Variants in GAK observed in about 807,000 individuals in gnomAD.
GAK encodes the protein cyclin G associated kinase.
GAK carries 79 observed loss-of-function variants against 143.9 expected under a neutral mutation model. The ratio of observed to expected loss-of-function variants is 0.55; its 90% CI spans 0.46 to 0.66. The LOEUF is 0.66. GAK is among the 30% of genes least tolerant of loss of function. The pLI is 0.00. For missense variants in GAK, 1,693 were observed against 1,779.7 expected (o/e 0.95, Z 0.88); for synonymous variants, 881 against 765.5 (o/e 1.15, Z -2.49).
chr4:893,515 G>T, intron 8 of GAK, 26 bp from the exon 9 acceptor site: 1 of 1,494,082 alleles, frequency 6.7e-7, no homozygotes, highest in Non-Finnish European at 8.9e-7. Flanking sequence ...AGCGCGCTCG[G>T]CCCCACGGTT....
At chr4:885,366 G>A (rs778945558) in intron 11 of GAK, among the ~76,000 whole-genome samples, 1 of 152,204 alleles carries the variant, frequency 6.6e-6, no homozygotes. Flanking sequence ...ACCTGAGGTT[G>A]GGAGTTTGAG....
rs545141863 is a variant in GAK at position 912,058 on chromosome 4, C to T, written c.268-271G>A. ...ACCACAGCGACACCAAAGTCCATCC[C>T]GCGCGTGGCAGGAGGAGGCAGGGCC... On this transcript the variant is annotated intron_variant, in intron 3 of 27. Transcript: ENST00000314167. 8.3e-4 allele frequency: 403 copies of T among 484,926 alleles called. 2 individuals carry two copies. The East Asian group carries it at 8.5e-3, about 10-fold the overall frequency. The allele number at this position is 484,926 out of a possible 1,614,324, so 30.0% of individuals were successfully genotyped here. A position where few individuals can be genotyped will look rare whatever the true frequency, so the allele number is the denominator to read the frequency against.
At chr4:911,956 G>C in intron 3 of GAK, 169 bp from the exon 4 acceptor site, 2 of 552,374 alleles carry the variant, frequency 3.6e-6, no homozygotes, top group South Asian at 1.7e-5. Context: ...GGACGACCGA[G>C]AGAAAGGCAG....
rs368645427 is a variant in GAK, at chr4:869,633, A to ACACACAG, written c.2249-949_2249-948insCTGTGTG. ...ACACATGCAGGGTACACATGAATGC[A>ACACACAG]CACACACAGATGCACAGTACACACG... On this transcript the variant is annotated intron_variant, in intron 19 of 27. Transcript: ENST00000314167. 3.4e-3 allele frequency: 84 copies of ACACACAG among 24,968 alleles called. 2 individuals are homozygous for ACACACAG. The highest frequency in any genetic ancestry group is 6.0e-3 in the East Asian group (3 of 498). The allele number at this position is 24,968 out of a possible 1,614,324, so 1.5% of individuals were successfully genotyped here.
intron 7 of GAK, among the ~76,000 whole-genome samples, chr4:895,652 A>G (rs1718624831): frequency 6.6e-6 from 1 of 152,200 alleles, no homozygotes; most frequent in East Asian, 1.9e-4. Context: ...TGGCTGAATG[A>G]CGGGGTAAGG....
chr4:902,797 TAGC>T (rs1330594074), intron 5 of GAK, among the ~76,000 whole-genome samples: 5 of 151,962 alleles, frequency 3.3e-5, no homozygotes, highest in Admixed American at 1.3e-4. Context: ...AGGCGACACT[TAGC>T]AGATTATGAG....
intron 1 of GAK, among the ~76,000 whole-genome samples, chr4:923,724 G>A (rs1724243700): frequency 6.6e-6 from 1 of 152,032 alleles, no homozygotes; most frequent in African/African-American, 2.4e-5. Context: ...GACATCAAAT[G>A]CTCAAGCCAG....
At chr4:864,256 G>A (rs1268970174) in intron 23 of GAK, among the ~76,000 whole-genome samples, 1 of 152,182 alleles carries the variant, frequency 6.6e-6, no homozygotes, top group Non-Finnish European at 1.5e-5. Flanking sequence ...AGTTACTCAG[G>A]AGGCTGGGGT....
chr4:919,477 C>T lies in GAK; in HGVS notation c.146-5809G>A, dbSNP rs941586981. Among the ~76,000 whole-genome samples the T allele has an allele frequency of 4.6e-5, 7 of 152,372 alleles. No homozygotes were observed. The East Asian group carries it at 5.8e-4, about 13-fold the overall frequency. On this transcript the variant is annotated intron_variant, in intron 1 of 27. Transcript: ENST00000314167. ...AGCCTCCTCCTCTCCAGCCGCACCC[C>T]GCATTTGGTTCCAAGCCACCACATT...
intron 7 of GAK, 127 bp from the exon 8 acceptor site, chr4:894,136 G>T: frequency 8.8e-7 from 1 of 1,141,594 alleles, no homozygotes; most frequent in East Asian, 2.8e-5. Context: ...GAGCCGTGGG[G>T]AGCGCAGGGG....
intron 5 of GAK, among the ~76,000 whole-genome samples, chr4:903,659 G>A (rs1273689663): frequency 9.9e-5 from 15 of 151,414 alleles, no homozygotes; most frequent in South Asian, 2.1e-4. Context: ...AGGAAGGAGC[G>A]TGGGGTGAGC....
At chr4:927,247 A>G (rs74889212) in intron 1 of GAK, among the ~76,000 whole-genome samples, 763 of 4,714 alleles carry the variant, frequency 0.16, 133 homozygotes, top group Non-Finnish European at 0.21. Flanking sequence ...GCACTGCCCC[A>G]CACCCCTCCC....
intron 9 of GAK, among the ~76,000 whole-genome samples, chr4:892,540 C>G (rs1717878378): frequency 6.6e-6 from 1 of 152,350 alleles, no homozygotes; most frequent in Non-Finnish European, 1.5e-5. Context: ...CCAGGCCTCA[C>G]ACTTCCACAA....
chr4:924,976 C>T (rs1028777188), intron 1 of GAK, among the ~76,000 whole-genome samples: 9 of 151,492 alleles, frequency 5.9e-5, no homozygotes, highest in African/African-American at 1.2e-4. Context: ...GAGTTCTGCC[C>T]GGGGGCTGCT....
At chr4:908,029 T>C (rs1240042428) in intron 4 of GAK, among the ~76,000 whole-genome samples, 2 of 152,174 alleles carry the variant, frequency 1.3e-5, no homozygotes, top group African/African-American at 4.8e-5. Flanking sequence ...GGGAACACAC[T>C]GGACGCCGAG....
At chr4:865,470 G>A (rs958943945) in intron 22 of GAK, among the ~76,000 whole-genome samples, 2 of 144,854 alleles carry the variant, frequency 1.4e-5, no homozygotes, top group Non-Finnish European at 3.1e-5. Flanking sequence ...GGAGCAGCTC[G>A]CAGGCCAGGC....
intron 4 of GAK, among the ~76,000 whole-genome samples, chr4:908,239 G>T (rs1204771756): frequency 6.6e-6 from 1 of 152,186 alleles, no homozygotes; most frequent in Non-Finnish European, 1.5e-5. Flanking sequence ...GGCAGAGGGT[G>T]CGGCAAGGCT....
At chr4:879,698 C>T (rs775606769) in intron 15 of GAK, among the ~76,000 whole-genome samples, 1 of 152,136 alleles carries the variant, frequency 6.6e-6, no homozygotes, top group Non-Finnish European at 1.5e-5. Flanking sequence ...GCTTCTTGAA[C>T]CTGTGGACTG....
intron 5 of GAK, among the ~76,000 whole-genome samples, chr4:903,735 G>C (rs918759038): frequency 6.6e-6 from 1 of 152,030 alleles, no homozygotes; most frequent in Non-Finnish European, 1.5e-5. Flanking sequence ...AAGGAGTGTG[G>C]GGTGAGCAGG....
Sources: allele counts gnomAD v4.1 joint callset (sites outside exome capture counted in the v4.1 genomes callset), GRCh38; gene constraint gnomAD v4.1.1; transcripts MANE v1.5; gene names NCBI Gene and HGNC (gene_info 2026-07-23, HGNC 2026-07-21).